ROR1: variants seen among roughly 807,000 people sequenced by gnomAD.
ROR1 encodes ROR family WNT receptor 1.
A neutral mutation model predicts 78.8 loss-of-function variants in ROR1; 19 were observed. The observed-to-expected ratio is 0.24, with a 90% confidence interval of 0.17 to 0.35. ROR1 has a LOEUF of 0.35. Ranked by LOEUF, ROR1 falls within the 10% of genes least tolerant of loss-of-function variation. The pLI, the probability that ROR1 is intolerant of heterozygous loss-of-function variation, is 1.00. For synonymous variants in ROR1, 386 were observed against 433.6 expected, an observed-to-expected ratio of 0.89 and a Z score of 1.36; for missense variants, 917 against 1,177.8, an observed-to-expected ratio of 0.78 and a Z score of 3.24.
chr1:63,921,197 G>A (rs1028966770), intron 1 of ROR1, among the ~76,000 whole-genome samples: 19 of 152,104 alleles, frequency 1.2e-4, no homozygotes, highest in Non-Finnish European at 4.4e-5. Flanking sequence ...CTGTGTTGAC[G>A]GTTTATTGAA....
At position 64,051,467 on chromosome 1, in the gene ROR1, T is replaced by TA. The variant is rs1241586067; in HGVS notation, c.482+755dup. ...TCCGTCTCAAAAATAAAAAATAAAA[T>TA]AAAATAAAATAAAATAAAATAAAAT... On this transcript the variant is annotated intron_variant, in intron 4 of 8. Transcript: ENST00000371079. Among the ~76,000 whole-genome samples the TA allele has an allele frequency of 7.7e-4, 19 of 24,658 alleles. 1 individual carries two copies. The highest frequency in any genetic ancestry group is 2.7e-3 in the South Asian group (1 of 374). 16.2% of individuals were successfully genotyped at this position (24,658 alleles called of 152,430 possible).
chr1:64,013,873 G>A (rs1646497015), intron 2 of ROR1, among the ~76,000 whole-genome samples: 1 of 152,268 alleles, frequency 6.6e-6, no homozygotes, highest in Non-Finnish European at 1.5e-5. Flanking sequence ...GTAACATGCA[G>A]TAGGAAACAT....
chr1:63,994,068 T>C (rs148076212), intron 1 of ROR1, among the ~76,000 whole-genome samples: 1 of 152,310 alleles, frequency 6.6e-6, no homozygotes, highest in East Asian at 1.9e-4. Flanking sequence ...TAACATCTCA[T>C]TGAAGTTTTA....
Position 64,140,288 on chromosome 1 carries a change from T to C in ROR1, c.790T>C (p.Tyr264His), listed in dbSNP as rs765418911. 2 of 1,614,008 alleles carry C rather than the reference T, an allele frequency of 1.2e-6. No homozygotes were observed. The highest frequency in any genetic ancestry group is 1.3e-5 in the African/African-American group (1 of 74,916). ...ILENVLCQTE[Y>H]IFARSNPMIL... Reference sequence around the variant, plus strand: ...GGAGAATGTCCTGTGTCAAACAGAGTACATTTTTGCAAGATCAAATCCCAT... The same window carrying C: ...GGAGAATGTCCTGTGTCAAACAGAGCACATTTTTGCAAGATCAAATCCCAT... The change falls in exon 6 of 9, where the codon TAC becomes CAC. Residue 264 changes from tyrosine to histidine, a missense_variant. Physicochemically the swap from Tyr to His is moderately conservative, Grantham distance 83. Transcript: ENST00000371079.
chr1:64,113,803 A>G (rs1388909082), intron 4 of ROR1: 2 of 151,912 alleles, frequency 1.3e-5, no homozygotes, highest in African/African-American at 4.8e-5. Context: ...TAAAAAAAAA[A>G]AAAAGAAAGA....
chr1:63,999,151 C>T (rs2100530702), intron 1 of ROR1, among the ~76,000 whole-genome samples: 1 of 152,324 alleles, frequency 6.6e-6, no homozygotes, highest in African/African-American at 2.4e-5. Context: ...ATGGCCAAGG[C>T]CAAATCACTA....
At chr1:63,942,485 A>C (rs1645848888) in intron 1 of ROR1, among the ~76,000 whole-genome samples, 1 of 152,026 alleles carries the variant, frequency 6.6e-6, no homozygotes, top group African/African-American at 2.4e-5. Flanking sequence ...GCCTCCACTT[A>C]GATTTTCTTA....
In ROR1 at chr1:63,928,061, C is replaced by A. The variant is rs1173224088; in HGVS notation, c.92-81244C>A. On this transcript the variant is annotated intron_variant, in intron 1 of 8. Coordinates refer to ENST00000371079, the MANE Select transcript of ROR1 (RefSeq NM_005012.4). ...CTCTGAGTACCTGCATCCTTGTCCT[C>A]ATGGAAGTCACCAAAACCGTTTGTC... is the stretch of plus-strand genomic sequence containing the variant. 1.3e-5 allele frequency among the ~76,000 whole-genome samples: 2 copies of A among 151,590 alleles called. 1 individual carries two copies. The highest frequency in any genetic ancestry group is 2.9e-5 in the Non-Finnish European group (2 of 67,976).
chr1:63,866,524 T>C (rs1645216374), intron 1 of ROR1, among the ~76,000 whole-genome samples: 1 of 152,198 alleles, frequency 6.6e-6, no homozygotes. Context: ...CAAGTATAGA[T>C]GGGAATTGGC....
chr1:63,833,665 CA>C (rs1384676622), intron 1 of ROR1, among the ~76,000 whole-genome samples: 2 of 151,744 alleles, frequency 1.3e-5, no homozygotes, highest in Non-Finnish European at 2.9e-5. Flanking sequence ...AGTTCCTTTT[CA>C]TTTTTTTTTT....
At position 63,953,297 on chromosome 1, in the gene ROR1, C is replaced by T. The variant is rs188175360; in HGVS notation, c.92-56008C>T. ...ATAGAATAATAATACCAGCAGTCCC[C>T]TCTTATCTGTGTGGGATATGTTCCA... On this transcript the variant is annotated intron_variant, in intron 1 of 8. Transcript: ENST00000371079. Among the ~76,000 whole-genome samples, 563 of 152,270 alleles carry T rather than the reference C, an allele frequency of 3.7e-3. 3 individuals carry two copies. The highest frequency in any genetic ancestry group is 0.013 in the African/African-American group (537 of 41,546).
chr1:64,080,700 C>T (rs1239446673), intron 4 of ROR1, among the ~76,000 whole-genome samples: 1 of 152,206 alleles, frequency 6.6e-6, no homozygotes, highest in African/African-American at 2.4e-5. Flanking sequence ...AGACATTTCC[C>T]AATGGCAGCA....
At chr1:64,067,090 C>T (rs1646962387) in intron 4 of ROR1, among the ~76,000 whole-genome samples, 1 of 152,062 alleles carries the variant, frequency 6.6e-6, no homozygotes, top group African/African-American at 2.4e-5. Flanking sequence ...TGGCTCACGC[C>T]TGTTATCCCA....
At chr1:63,976,561 C>T (rs549989400) in intron 1 of ROR1, among the ~76,000 whole-genome samples, 6 of 152,262 alleles carry the variant, frequency 3.9e-5, no homozygotes, top group African/African-American at 1.2e-4. Context: ...CTGTTATGTA[C>T]TATAAAACCA....
At chr1:63,843,231 C>T in intron 1 of ROR1, 5 of 1,507,384 alleles carry the variant, frequency 3.3e-6, no homozygotes, top group African/African-American at 1.4e-5. Flanking sequence ...CGCACTGCCC[C>T]CCAGCTTCTC....
chr1:64,007,787 G>A, intron 1 of ROR1, among the ~76,000 whole-genome samples: 1 of 152,106 alleles, frequency 6.6e-6, no homozygotes, highest in East Asian at 1.9e-4. Flanking sequence ...AGTGAAATTA[G>A]TTACAGGAGC....
chr1:64,081,768 C>CAAAAAAAAAAAAA (rs55945635), intron 4 of ROR1, among the ~76,000 whole-genome samples: 8 of 98,886 alleles, frequency 8.1e-5, no homozygotes, highest in Admixed American at 3.3e-4. Flanking sequence ...GAGACACTGT[C>CAAAAAAAAAAAAA]AAAAAAAAAA....
At position 64,137,432 on chromosome 1, in the gene ROR1, T is replaced by C. The variant is rs143841539; in HGVS notation, c.546T>C (p.Ile182=). The change falls in exon 5 of 9, where the codon ATT becomes ATC. Residue 182 remains isoleucine, a synonymous_variant. Transcript: ENST00000371079. ...PYRGIACARF[I]GNRTVYMESL... Reference sequence around the variant, plus strand: ...GAGGGATTGCATGTGCAAGATTTATTGGCAACCGCACCGTCTATATGGAGT... The same window carrying C: ...GAGGGATTGCATGTGCAAGATTTATCGGCAACCGCACCGTCTATATGGAGT... 3.7e-6 allele frequency: 6 copies of C among 1,614,040 alleles called. No homozygotes were observed. Among genetic ancestry groups the C allele is most frequent in the African/African-American group, 1.3e-5 (1 of 75,062 alleles).
At chr1:64,130,268 T>A (rs1361537789) in intron 4 of ROR1, among the ~76,000 whole-genome samples, 2 of 152,182 alleles carry the variant, frequency 1.3e-5, no homozygotes, top group Non-Finnish European at 2.9e-5. Context: ...GCCCTCTGGG[T>A]TGACATGCCT....
Sources: allele counts gnomAD v4.1 joint callset (sites outside exome capture counted in the v4.1 genomes callset), GRCh38; gene constraint gnomAD v4.1.1; transcripts MANE v1.5; gene names NCBI Gene and HGNC (gene_info 2026-07-23, HGNC 2026-07-21).